CSMD1: variants seen among roughly 807,000 people sequenced by gnomAD.
CSMD1 encodes the protein CUB and sushi domain-containing protein 1.
CSMD1 carries 213 observed loss-of-function variants against 417.5 expected under a neutral mutation model. The ratio of observed to expected loss-of-function variants is 0.51; its 90% CI spans 0.46 to 0.57. The LOEUF is 0.57. Among genes scored for constraint, CSMD1 ranks in the 20% least tolerant of loss-of-function variants. The pLI, the probability that CSMD1 is intolerant of heterozygous loss-of-function variation, is 0.00. For missense variants in CSMD1, 6,923 were observed against 4,529.7 expected (o/e 1.53, Z -15.17); for synonymous variants, 2,862 against 1,736.8 (o/e 1.65, Z -16.11).
At chr8:2,976,034 A>G (rs989201264) in intron 55 of CSMD1, among the ~76,000 whole-genome samples, 1 of 152,254 alleles carries the variant, frequency 6.6e-6, no homozygotes, top group African/African-American at 2.4e-5. Flanking sequence ...AAAGCAAGGA[A>G]GATGAGAATG....
intron 11 of CSMD1, among the ~76,000 whole-genome samples, chr8:3,476,453 G>C (rs985517462): frequency 6.6e-6 from 1 of 152,114 alleles, no homozygotes; most frequent in African/African-American, 2.4e-5. Context: ...TAAATACTTA[G>C]GAGGTGGATT....
At chr8:3,600,613 G>C (rs1801316636) in intron 8 of CSMD1, among the ~76,000 whole-genome samples, 1 of 152,130 alleles carries the variant, frequency 6.6e-6, no homozygotes, top group African/African-American at 2.4e-5. Context: ...AAGTATTATT[G>C]CTGGTGGCAG....
chr8:4,255,051 C>A (rs900485144), intron 3 of CSMD1, among the ~76,000 whole-genome samples: 3 of 152,270 alleles, frequency 2.0e-5, no homozygotes, highest in East Asian at 1.9e-4. Context: ...GTTGATCAAG[C>A]AATTCTCAGC....
At chr8:4,008,650 G>C (rs747369261) in intron 4 of CSMD1, among the ~76,000 whole-genome samples, 3 of 114,810 alleles carry the variant, frequency 2.6e-5, no homozygotes, top group South Asian at 2.9e-4. Flanking sequence ...TCGCTCTGTC[G>C]CCCAGGCTGG....
chr8:4,104,119 CAG>C (rs1801443551), intron 3 of CSMD1, among the ~76,000 whole-genome samples: 1 of 152,214 alleles, frequency 6.6e-6, no homozygotes, highest in Admixed American at 6.5e-5. Context: ...CCCACAGAAG[CAG>C]AGTGTTGATT....
At position 3,496,982 on chromosome 8, in the gene CSMD1, A is replaced by T. The variant is rs115622329; in HGVS notation, c.1345-3256T>A. On this transcript the variant is annotated intron_variant, in intron 10 of 69. Transcript: ENST00000635120. ...TCTCTTGTTATTTATTTCTAATTTTATCTGTTACAGTCAAAAAATATACTT... is the reference window on the plus strand; with the variant it reads ...TCTCTTGTTATTTATTTCTAATTTTTTCTGTTACAGTCAAAAAATATACTT... Among the ~76,000 whole-genome samples the T allele has an allele frequency of 7.4e-3, 1,130 of 152,250 alleles. 19 individuals are homozygous for T. Among genetic ancestry groups the T allele is most frequent in the African/African-American group, 0.026 (1,061 of 41,550 alleles).
At chr8:4,261,050 A>C (rs886557383) in intron 3 of CSMD1, among the ~76,000 whole-genome samples, 3 of 152,210 alleles carry the variant, frequency 2.0e-5, no homozygotes, top group African/African-American at 7.2e-5. Flanking sequence ...TTTAACGGTG[A>C]ATTTAGGATT....
At chr8:4,103,184 C>G (rs1173824459) in intron 3 of CSMD1, among the ~76,000 whole-genome samples, 3 of 151,930 alleles carry the variant, frequency 2.0e-5, no homozygotes, top group Non-Finnish European at 4.4e-5. Context: ...AAACCAGTAA[C>G]AGCAACATTT....
chr8:3,997,046 TCTAC>T (rs1815273721), intron 5 of CSMD1, among the ~76,000 whole-genome samples: 1 of 152,208 alleles, frequency 6.6e-6, no homozygotes, highest in Admixed American at 6.5e-5. Flanking sequence ...TTCCTCTGTG[TCTAC>T]CTGAGTTTCA....
intron 1 of CSMD1, among the ~76,000 whole-genome samples, chr8:4,762,299 G>T (rs1812162706): frequency 6.6e-6 from 1 of 152,022 alleles, no homozygotes; most frequent in Non-Finnish European, 1.5e-5. Context: ...GAGAGAGAAA[G>T]AATAGCTGTT....
chr8:4,814,192 G>C (rs1799068089), intron 1 of CSMD1, among the ~76,000 whole-genome samples: 1 of 149,836 alleles, frequency 6.7e-6, no homozygotes, highest in Non-Finnish European at 1.5e-5. Flanking sequence ...TCTTCAGAAT[G>C]ATTTTGTGTG....
intron 52 of CSMD1, among the ~76,000 whole-genome samples, chr8:3,015,472 T>G (rs116319212): frequency 6.6e-6 from 1 of 152,054 alleles, no homozygotes; most frequent in African/African-American, 2.4e-5. Context: ...GCCATGATTA[T>G]ATAGACACAG....
At chr8:4,141,085 C>G (rs34665711) in intron 3 of CSMD1, among the ~76,000 whole-genome samples, 45,376 of 151,034 alleles carry the variant, frequency 0.3, 8,493 homozygotes, top group Non-Finnish European at 0.39. Context: ...AATCTACAAA[C>G]TTCCCATTTT....
intron 49 of CSMD1, among the ~76,000 whole-genome samples, chr8:3,084,326 C>T (rs1269955116): frequency 1.3e-5 from 2 of 151,692 alleles, no homozygotes; most frequent in African/African-American, 4.8e-5. Flanking sequence ...GAGTTTGAGA[C>T]CAGCCCGAGC....
At chr8:3,370,133 A>G (rs994570620) in intron 18 of CSMD1, among the ~76,000 whole-genome samples, 6 of 152,182 alleles carry the variant, frequency 3.9e-5, no homozygotes, top group Non-Finnish European at 5.9e-5. Context: ...AATTCTTAAG[A>G]TATCAATAAT....
chr8:3,756,687 T>A (rs987794693), intron 5 of CSMD1, among the ~76,000 whole-genome samples: 3 of 152,202 alleles, frequency 2.0e-5, no homozygotes, highest in African/African-American at 7.2e-5. Context: ...TGCATGTACT[T>A]GCTAAACTTT....
intron 1 of CSMD1, among the ~76,000 whole-genome samples, chr8:4,823,918 G>C (rs975931346): frequency 4.6e-5 from 7 of 151,836 alleles, no homozygotes; most frequent in Admixed American, 2.6e-4. Context: ...AGAAGAAAGA[G>C]GAAAGAGCAT....
intron 4 of CSMD1, among the ~76,000 whole-genome samples, chr8:4,024,127 T>A (rs2688278): frequency 6.6e-6 from 1 of 151,852 alleles, no homozygotes; most frequent in Non-Finnish European, 1.5e-5. Context: ...ACAAGAGATG[T>A]TACCAAAAAT....
At chr8:3,224,326 G>T (rs1004104367) in intron 27 of CSMD1, among the ~76,000 whole-genome samples, 6 of 152,166 alleles carry the variant, frequency 3.9e-5, no homozygotes, top group African/African-American at 1.4e-4. Context: ...TTCTTCTTGA[G>T]TGCATGCTTC....
Sources: gnomAD v4.1 joint callset for allele counts (sites outside exome capture counted in the v4.1 genomes callset) on GRCh38, gnomAD v4.1.1 for gene constraint, MANE v1.5 for transcripts, NCBI Gene and HGNC (gene_info 2026-07-23, HGNC 2026-07-21) for gene names.